The following LAMA2 variants were observed in gnomAD, a reference collection of about 807,000 sequenced individuals.
The protein encoded by LAMA2 is laminin subunit alpha-2.
In LAMA2, 269 loss-of-function variants were observed where a neutral mutation model predicts 364.8. That is an observed-to-expected ratio of 0.74 (90% CI 0.67 to 0.82). LAMA2 has a LOEUF of 0.82. Ranked by LOEUF, LAMA2 falls within the 40% of genes least tolerant of loss-of-function variation. The pLI is 0.00. For synonymous variants in LAMA2, 1,379 were observed against 1,370.6 expected (o/e 1.01, Z -0.14); for missense variants, 3,807 against 3,873.2 (o/e 0.98, Z 0.45).
At position 129,366,373 on chromosome 6, in the gene LAMA2, C is replaced by T. The variant is rs762999501; in HGVS notation, c.4860+12C>T. ...CTCAGGAGCTAAAGGTAGGTTGGTG[C>T]AGTCACAAGCAAGGGCCAGGGACAA... On this transcript the variant is annotated intron_variant, in intron 33 of 64. Transcript: ENST00000421865. The T allele has an allele frequency of 7.4e-6, 12 of 1,612,696 alleles. No homozygotes were observed. Among genetic ancestry groups the T allele is most frequent in the African/African-American group, 1.3e-5 (1 of 74,860 alleles).
At chr6:129,046,655 A>C (rs1468958923) in intron 1 of LAMA2, among the ~76,000 whole-genome samples, 1 of 152,198 alleles carries the variant, frequency 6.6e-6, no homozygotes, top group Non-Finnish European at 1.5e-5. Flanking sequence ...TGTAACCTAT[A>C]TGTATCTGTA....
intron 12 of LAMA2, among the ~76,000 whole-genome samples, chr6:129,233,842 T>C (rs894925716): frequency 6.6e-6 from 1 of 152,212 alleles, no homozygotes; most frequent in Non-Finnish European, 1.5e-5. Flanking sequence ...GTCCTTTTTT[T>C]CCTTTTCCCC....
chr6:129,227,751 TC>T (rs1784407820), intron 12 of LAMA2, among the ~76,000 whole-genome samples: 1 of 152,208 alleles, frequency 6.6e-6, no homozygotes, highest in South Asian at 2.1e-4. Flanking sequence ...GGGTGGTGCC[TC>T]ACAGTTAGGC....
intron 4 of LAMA2, among the ~76,000 whole-genome samples, chr6:129,122,148 A>G (rs994955601): frequency 2.6e-5 from 4 of 152,198 alleles, no homozygotes; most frequent in African/African-American, 4.8e-5. Context: ...TTGAAGCTTA[A>G]CTCTTTGTAG....
At chr6:129,451,340 C>A (rs890647459) in intron 45 of LAMA2, among the ~76,000 whole-genome samples, 9 of 152,188 alleles carry the variant, frequency 5.9e-5, no homozygotes, top group African/African-American at 2.2e-4. Context: ...GGACACAGAA[C>A]AAACACTCTG....
chr6:129,436,398 G>A (rs972269609), intron 41 of LAMA2, among the ~76,000 whole-genome samples: 4 of 151,998 alleles, frequency 2.6e-5, no homozygotes, highest in South Asian at 2.1e-4. Flanking sequence ...ATCCATATCC[G>A]CTCATCTACT....
chr6:129,292,742 C>T lies in LAMA2; in HGVS notation c.2856+1022C>T, dbSNP rs556541711. 5.4e-6 allele frequency: 5 copies of T among 927,576 alleles called. No homozygotes were observed. The South Asian group carries it at 2.0e-4, about 37-fold the overall frequency. 57.5% of individuals were successfully genotyped at this position (927,576 alleles called of 1,614,324 possible). ...GTTTGAAAATATCATCTGCTTCTGTCTCTTGAATAATATCATTGCTCTGTT... is the reference window on the plus strand; with the variant it reads ...GTTTGAAAATATCATCTGCTTCTGTTTCTTGAATAATATCATTGCTCTGTT... On this transcript the variant is annotated intron_variant, in intron 20 of 64. Coordinates refer to ENST00000421865, the MANE Select transcript of LAMA2 (RefSeq NM_000426.4).
intron 14 of LAMA2, among the ~76,000 whole-genome samples, chr6:129,256,738 T>G: frequency 7.2e-6 from 1 of 138,614 alleles, no homozygotes; most frequent in African/African-American, 2.6e-5. Flanking sequence ...TCTTGCTATA[T>G]ATATATAAAA....
intron 12 of LAMA2, among the ~76,000 whole-genome samples, chr6:129,205,467 T>A: frequency 6.8e-6 from 1 of 146,136 alleles, no homozygotes; most frequent in Non-Finnish European, 1.5e-5. Context: ...TTCTGGGAAT[T>A]TATTCTGTAA....
At chr6:129,013,206 C>T (rs1200708904) in intron 1 of LAMA2, among the ~76,000 whole-genome samples, 7 of 152,092 alleles carry the variant, frequency 4.6e-5, no homozygotes, top group African/African-American at 1.4e-4. Flanking sequence ...GAGGCTGAGG[C>T]GGGCGGATCA....
chr6:129,100,211 A>T (rs767409095), intron 4 of LAMA2, among the ~76,000 whole-genome samples: 4 of 152,172 alleles, frequency 2.6e-5, no homozygotes, highest in African/African-American at 9.7e-5. Context: ...GAAACAAAAG[A>T]CATGTTTATT....
At chr6:129,417,310 C>T (rs1461132004) in intron 40 of LAMA2, among the ~76,000 whole-genome samples, 2 of 152,030 alleles carry the variant, frequency 1.3e-5, no homozygotes, top group African/African-American at 4.8e-5. Flanking sequence ...GTTCCACAGG[C>T]AGGTAATTCC....
chr6:129,256,744 TA>T (rs1434123565), intron 14 of LAMA2, among the ~76,000 whole-genome samples: 3 of 124,728 alleles, frequency 2.4e-5, no homozygotes, highest in East Asian at 2.3e-4. Flanking sequence ...TATATATATA[TA>T]AAAAACAAAT....
chr6:129,109,620 G>C (rs922048123), intron 4 of LAMA2, among the ~76,000 whole-genome samples: 13 of 151,698 alleles, frequency 8.6e-5, no homozygotes, highest in South Asian at 8.3e-4. Context: ...GTTTTTAAAT[G>C]ACTTAAAAGA....
chr6:129,249,816 T>G (rs1006621474), intron 12 of LAMA2, among the ~76,000 whole-genome samples: 2 of 152,186 alleles, frequency 1.3e-5, no homozygotes, highest in Non-Finnish European at 2.9e-5. Flanking sequence ...ACTAAGATGA[T>G]GACAGGAGGA....
At chr6:129,236,541 T>G (rs1028044288) in intron 12 of LAMA2, among the ~76,000 whole-genome samples, 1 of 152,194 alleles carries the variant, frequency 6.6e-6, no homozygotes, top group African/African-American at 2.4e-5. Flanking sequence ...CACAAATATT[T>G]CACCTCATTC....
At chr6:129,366,476 C>A in intron 33 of LAMA2, 115 bp downstream of exon 33, 1 of 1,135,146 alleles carries the variant, frequency 8.8e-7, no homozygotes, top group Non-Finnish European at 1.3e-6. Context: ...AGGGACACAA[C>A]TGTTAGGGAA....
At chr6:129,343,929 T>A (rs937128181) in intron 30 of LAMA2, among the ~76,000 whole-genome samples, 1 of 152,144 alleles carries the variant, frequency 6.6e-6, no homozygotes, top group Non-Finnish European at 1.5e-5. Context: ...GCTTACAAAA[T>A]ACAAGGCATG....
chr6:129,336,211 C>T (rs1775948252), intron 29 of LAMA2, among the ~76,000 whole-genome samples: 2 of 152,100 alleles, frequency 1.3e-5, no homozygotes, highest in South Asian at 4.1e-4. Context: ...GTAATCCTAG[C>T]ACTTTTGGAG....
Sources: allele counts gnomAD v4.1 joint callset (sites outside exome capture counted in the v4.1 genomes callset), GRCh38; gene constraint gnomAD v4.1.1; transcripts MANE v1.5; gene names NCBI Gene and HGNC (gene_info 2026-07-23, HGNC 2026-07-21).